RACGAP1: variants seen among roughly 807,000 people sequenced by gnomAD.
RACGAP1 encodes the protein Rac GTPase activating protein 1.
RACGAP1 carries 30 observed loss-of-function variants against 78.1 expected under a neutral mutation model. That is an observed-to-expected ratio of 0.38 (90% CI 0.29 to 0.52). RACGAP1 has a LOEUF of 0.52. Ranked by LOEUF, RACGAP1 falls within the 20% of genes least tolerant of loss-of-function variation. The pLI is 0.82. For synonymous variants in RACGAP1, 231 were observed against 264.8 expected (o/e 0.87, Z 1.24); for missense variants, 587 against 777.1 (o/e 0.76, Z 2.91).
intron 1 of RACGAP1, among the ~76,000 whole-genome samples, chr12:50,018,289 CATATACCTGAAT>C: frequency 6.6e-6 from 1 of 151,988 alleles, no homozygotes; most frequent in African/African-American, 2.4e-5. Flanking sequence ...CTGGATGCAA[CATATACCTGAAT>C]CAGGGCCGGA....
chr12:50,022,596 A>T (rs1371278967), intron 1 of RACGAP1, among the ~76,000 whole-genome samples: 1 of 152,170 alleles, frequency 6.6e-6, no homozygotes, highest in Non-Finnish European at 1.5e-5. Context: ...AAAAAACAAA[A>T]CGAAAACAAA....
In RACGAP1 at chr12:50,006,578, GTCAGTCC is replaced by G; in HGVS notation, c.137_143del (p.Arg46ThrfsTer11). ...GATCCTTGTATTTCCCCAGCTCATG[GTCAGTCC>G]TCTGCCACTTTTTACGGAAATCCTC... On this transcript the variant is annotated frameshift_variant, in exon 3 of 17. Transcript: ENST00000312377. LOFTEE classifies it high-confidence loss of function. The G allele has an allele frequency of 1.9e-6, 3 of 1,614,176 alleles. No individual in the cohort carries two copies. Among genetic ancestry groups the G allele is most frequent in the Non-Finnish European group, 2.5e-6 (3 of 1,180,024 alleles).
At chr12:49,991,479 A>ATATATATATATATATATATATATATT (rs1555169074) in intron 15 of RACGAP1, among the ~76,000 whole-genome samples, 2 of 24,090 alleles carry the variant, frequency 8.3e-5, no homozygotes, top group Non-Finnish European at 1.7e-4. Flanking sequence ...ATATATATAT[A>ATATATATATATATATATATATATATT]TTTTTTTTTT....
intron 12 of RACGAP1, among the ~76,000 whole-genome samples, chr12:49,993,307 T>C (rs1948018561): frequency 6.6e-6 from 1 of 152,188 alleles, no homozygotes; most frequent in African/African-American, 2.4e-5. Context: ...AAACTTGGTA[T>C]ATTCTAAGAA....
chr12:50,020,019 A>G (rs1264616554), intron 1 of RACGAP1, among the ~76,000 whole-genome samples: 2 of 152,160 alleles, frequency 1.3e-5, no homozygotes, highest in Non-Finnish European at 2.9e-5. Flanking sequence ...TTTCCCCCCT[A>G]GGCTGTCTCC....
At chr12:49,996,756 T>A (rs968510521) in intron 10 of RACGAP1, among the ~76,000 whole-genome samples, 2 of 147,606 alleles carry the variant, frequency 1.4e-5, no homozygotes, top group South Asian at 4.2e-4. Flanking sequence ...ATGTCTGAAA[T>A]TTTCCAAAAT....
At chr12:50,003,023 CAAAAAAAAAA>C (rs11326258) in intron 5 of RACGAP1, among the ~76,000 whole-genome samples, 2 of 64,150 alleles carry the variant, frequency 3.1e-5, no homozygotes, top group African/African-American at 9.6e-5. Flanking sequence ...GACTCTGTCT[CAAAAAAAAAA>C]AAAAAAAAAA....
chr12:49,990,184 G>GA lies in RACGAP1; in HGVS notation c.*83dup. On this transcript the variant is annotated 3_prime_UTR_variant, in exon 17 of 17. Coordinates refer to ENST00000312377, the MANE Select transcript of RACGAP1 (RefSeq NM_001319999.2). ...CCTGGAGAATGCTAAAAGTAGTAATGAGTACAGGAGGCTGCAGAGCAGAGT... is the reference window on the plus strand; with the variant it reads ...CCTGGAGAATGCTAAAAGTAGTAATGAAGTACAGGAGGCTGCAGAGCAGAGT... The GA allele has an allele frequency of 9.0e-7, 1 of 1,115,904 alleles. No homozygotes were observed. Among genetic ancestry groups the GA allele is most frequent in the Non-Finnish European group, 1.3e-6 (1 of 752,982 alleles). The allele number at this position is 1,115,904 out of a possible 1,614,324, so 69.1% of individuals were successfully genotyped here. A position where few individuals can be genotyped will look rare whatever the true frequency, so the allele number is the denominator to read the frequency against.
chr12:50,025,571 G>A (rs1950245936), upstream of RACGAP1: 1 of 982,206 alleles, frequency 1.0e-6, no homozygotes, highest in Non-Finnish European at 1.2e-6. Flanking sequence ...TCAGGGCCAC[G>A]CGGAGGTGAC....
intron 2 of RACGAP1, among the ~76,000 whole-genome samples, chr12:50,013,830 T>C (rs1949495080): frequency 6.6e-6 from 1 of 152,222 alleles, no homozygotes; most frequent in Admixed American, 6.5e-5. Flanking sequence ...AACTCAAAAA[T>C]GCTAGAAGCC....
chr12:50,007,363 A>G (rs1371863551), intron 2 of RACGAP1, among the ~76,000 whole-genome samples: 1 of 152,180 alleles, frequency 6.6e-6, no homozygotes, highest in Admixed American at 6.5e-5. Flanking sequence ...AGCATCTCAA[A>G]GGAAGAAGAT....
upstream of RACGAP1, among the ~76,000 whole-genome samples, chr12:50,026,914 G>A (rs1331425590): frequency 6.6e-6 from 1 of 152,036 alleles, no homozygotes; most frequent in Non-Finnish European, 1.5e-5. Context: ...CCTGGCCTTA[G>A]GTGATCCTCC....
chr12:49,999,186 T>C lies in RACGAP1; in HGVS notation c.834A>G (p.Pro278=). Residue 278 remains proline, a synonymous_variant, in exon 9 of 17, where the codon CCA becomes CCG. Coordinates refer to ENST00000312377, the MANE Select transcript of RACGAP1 (RefSeq NM_001319999.2). ...PRTETDSVGT[P]QSNGGMRLHD... ...GCAGGCGCATCCCTCCATTACTCTG[T>C]GGCGTGCCCACACTGTCTGTCTCAG... is the stretch of plus-strand genomic sequence containing the variant. The C allele has an allele frequency of 6.2e-7, 1 of 1,613,942 alleles. No individual in the cohort carries two copies. Among genetic ancestry groups the C allele is most frequent in the Non-Finnish European group, 8.5e-7 (1 of 1,179,984 alleles).
intron 1 of RACGAP1, among the ~76,000 whole-genome samples, chr12:50,023,105 T>C (rs1423464662): frequency 1.3e-5 from 2 of 152,248 alleles, no homozygotes; most frequent in African/African-American, 4.8e-5. Flanking sequence ...GAACAGTACC[T>C]GACATTTGGT....
At chr12:50,032,259 T>C (rs889420694) in intron 1 of RACGAP1, among the ~76,000 whole-genome samples, 3 of 152,334 alleles carry the variant, frequency 2.0e-5, no homozygotes, top group African/African-American at 4.8e-5. Flanking sequence ...GTAAACACTC[T>C]GCAATGCCTA....
upstream of RACGAP1, among the ~76,000 whole-genome samples, chr12:50,025,958 G>A: frequency 6.6e-6 from 1 of 152,130 alleles, no homozygotes; most frequent in East Asian, 1.9e-4. Context: ...ATCATCACAA[G>A]CACTCCACTG....
Position 50,004,295 on chromosome 12 carries a change from G to T in RACGAP1, c.435C>A (p.Thr145=). ...ATAAAATGGAACCAGATTCATCAAT[G>T]GTTGATAGTCTAGATCAGTGAAACA... The part of the protein sequence containing the change: ...SSNAGNKRLS[T]IDESGSILSD... Residue 145 remains threonine (T), a synonymous_variant, in exon 5 of 17, where the codon ACC becomes ACA. Transcript: ENST00000312377. 6.2e-7 allele frequency: 1 copy of T among 1,603,984 alleles called. No individual in the cohort carries two copies. Among genetic ancestry groups the T allele is most frequent in the South Asian group, 1.1e-5 (1 of 90,454 alleles).
At chr12:49,990,837 G>A (rs764726806) in intron 15 of RACGAP1, 45 bp from the exon 16 acceptor site, 4 of 1,507,172 alleles carry the variant, frequency 2.7e-6, no homozygotes, top group Admixed American at 3.4e-5. Context: ...GAAAAAAGAA[G>A]GCATCTTTTT....
chr12:50,004,744 A>G (rs1948873659), intron 4 of RACGAP1, among the ~76,000 whole-genome samples: 1 of 152,188 alleles, frequency 6.6e-6, no homozygotes, highest in Admixed American at 6.5e-5. Flanking sequence ...AAGATTCCCC[A>G]TAAAACAACC....
Sources: gnomAD v4.1 joint callset for allele counts (sites outside exome capture counted in the v4.1 genomes callset) on GRCh38, gnomAD v4.1.1 for gene constraint, MANE v1.5 for transcripts, NCBI Gene and HGNC (gene_info 2026-07-23, HGNC 2026-07-21) for gene names.